Variants in CCDC38 observed in about 807,000 individuals in gnomAD.
The protein encoded by CCDC38 is coiled-coil domain-containing protein 38.
In CCDC38, 69 loss-of-function variants were observed where a neutral mutation model predicts 72.8. The observed-to-expected ratio is 0.95, with a 90% CI of 0.78 to 1.16. The LOEUF (loss-of-function observed/expected upper bound fraction) is 1.16. CCDC38 is among the 50% of genes most tolerant of loss of function. The pLI, the probability that CCDC38 is intolerant of heterozygous loss-of-function variation, is 0.00. For missense variants in CCDC38, 626 were observed against 638.9 expected, an observed-to-expected ratio of 0.98 and a Z score of 0.22; for synonymous variants, 201 against 213.2, an observed-to-expected ratio of 0.94 and a Z score of 0.50.
At chr12:95,914,650 C>T (rs1236121388) in intron 4 of CCDC38, among the ~76,000 whole-genome samples, 1 of 152,208 alleles carries the variant, frequency 6.6e-6, no homozygotes, top group East Asian at 1.9e-4. Context: ...TACACACAGT[C>T]TGCATTCAAA....
chr12:95,869,408 G>C (rs1301102976), intron 15 of CCDC38, 72 bp downstream of exon 15: 1 of 1,137,792 alleles, frequency 8.8e-7, no homozygotes, highest in Non-Finnish European at 1.3e-6. Context: ...TAAGTTAGAC[G>C]AATAAAGTAT....
At chr12:95,882,544 A>G (rs939067391) in intron 10 of CCDC38, among the ~76,000 whole-genome samples, 4 of 152,206 alleles carry the variant, frequency 2.6e-5, no homozygotes, top group Non-Finnish European at 5.9e-5. Flanking sequence ...AAGTGTGGGA[A>G]AACAGAAAGG....
intron 2 of CCDC38, among the ~76,000 whole-genome samples, chr12:95,920,924 T>A (rs564113121): frequency 7.6e-6 from 1 of 132,412 alleles, no homozygotes; most frequent in South Asian, 3.2e-4. Flanking sequence ...AGGTCGGGAG[T>A]TCGAGACCAG....
rs148446718 is a variant in CCDC38 at position 95,898,579 on chromosome 12, G to A, written c.522C>T (p.Asp174=). 4.5e-5 allele frequency: 72 copies of A among 1,614,012 alleles called. No individual in the cohort carries two copies. Among genetic ancestry groups the A allele is most frequent in the African/African-American group, 6.7e-5 (5 of 74,900 alleles). Residue 174 remains aspartate, a synonymous_variant, in exon 6 of 16, where the codon GAC becomes GAT. Coordinates refer to ENST00000344280, the MANE Select transcript of CCDC38 (RefSeq NM_182496.3). ...FLRENDQRSV[D]ALKMAAQETI... is the part of the protein sequence containing the mutation. ...GTGATGAAACAAACATTTTCAGAGC[G>A]TCTACAGATCTCTGGTCATTTTCTC...
intron 2 of CCDC38, chr12:95,919,745 C>T: frequency 2.5e-6 from 1 of 396,312 alleles, no homozygotes; most frequent in South Asian, 1.9e-5. Context: ...CTTACACCAC[C>T]ATTTCAACAG....
chr12:95,925,607 C>T (rs2080261157), intron 2 of CCDC38, among the ~76,000 whole-genome samples: 2 of 152,156 alleles, frequency 1.3e-5, no homozygotes, highest in Admixed American at 6.5e-5. Context: ...GAGGGCATCC[C>T]TGTCTTGTTC....
intron 2 of CCDC38, among the ~76,000 whole-genome samples, chr12:95,924,939 G>A (rs1387217101): frequency 7.2e-6 from 1 of 139,836 alleles, no homozygotes; most frequent in African/African-American, 2.7e-5. Context: ...TTTGGTTACT[G>A]TAGCCTTGTA....
chr12:95,914,563 G>A (rs780685041), intron 4 of CCDC38, among the ~76,000 whole-genome samples: 1 of 152,030 alleles, frequency 6.6e-6, no homozygotes, highest in Non-Finnish European at 1.5e-5. Flanking sequence ...TGAAACTCTA[G>A]CAGATAAAAA....
At chr12:95,932,970 A>G (rs2136741797) in intron 2 of CCDC38, among the ~76,000 whole-genome samples, 1 of 152,336 alleles carries the variant, frequency 6.6e-6, no homozygotes, top group East Asian at 1.9e-4. Context: ...TGTTCAAAAA[A>G]TGAGTCGGAG....
At chr12:95,889,046 T>C in intron 9 of CCDC38, 1 of 182,460 alleles carries the variant, frequency 5.5e-6, no homozygotes, top group Non-Finnish European at 1.1e-5. Context: ...TTTTTTTTTT[T>C]TTTTTTTTTG....
chr12:95,930,392 C>T (rs1294170605), intron 2 of CCDC38, among the ~76,000 whole-genome samples: 1 of 152,168 alleles, frequency 6.6e-6, no homozygotes, highest in Non-Finnish European at 1.5e-5. Flanking sequence ...GAATCTATTC[C>T]ATGACTTTAA....
At chr12:95,894,490 G>A (rs1156996083) in intron 8 of CCDC38, among the ~76,000 whole-genome samples, 1 of 152,176 alleles carries the variant, frequency 6.6e-6, no homozygotes, top group Non-Finnish European at 1.5e-5. Context: ...TAGGTCATGG[G>A]GGTAGACTCC....
At chr12:95,904,038 G>C (rs1230522652) in intron 5 of CCDC38, among the ~76,000 whole-genome samples, 1 of 150,458 alleles carries the variant, frequency 6.6e-6, no homozygotes, top group African/African-American at 2.5e-5. Context: ...TTTTTTACCT[G>C]TAAGTTCAAT....
chr12:95,932,550 A>G (rs531986383), intron 2 of CCDC38, among the ~76,000 whole-genome samples: 3 of 152,316 alleles, frequency 2.0e-5, no homozygotes, highest in Admixed American at 2.0e-4. Context: ...CCGAGCAGCT[A>G]GGTTAGTATA....
chr12:95,931,334 T>A (rs116589345), intron 2 of CCDC38, among the ~76,000 whole-genome samples: 335 of 152,354 alleles, frequency 2.2e-3, no homozygotes, highest in African/African-American at 7.8e-3. Context: ...TTGGATTATA[T>A]TAGGCCCATT....
chr12:95,931,335 T>A (rs1026552482), intron 2 of CCDC38, among the ~76,000 whole-genome samples: 1 of 152,224 alleles, frequency 6.6e-6, no homozygotes, highest in East Asian at 1.9e-4. Context: ...TGGATTATAT[T>A]AGGCCCATTG....
intron 2 of CCDC38, among the ~76,000 whole-genome samples, chr12:95,925,106 A>T (rs1430653327): frequency 6.6e-6 from 1 of 151,492 alleles, no homozygotes; most frequent in Non-Finnish European, 1.5e-5. Flanking sequence ...TGGGGATGGC[A>T]TTGAATCTGT....
intron 4 of CCDC38, among the ~76,000 whole-genome samples, chr12:95,911,549 GA>G (rs1320620822): frequency 2.6e-5 from 4 of 151,868 alleles, no homozygotes; most frequent in African/African-American, 9.7e-5. Context: ...AAATTAACAA[GA>G]AAAAAACACA....
At chr12:95,917,375 A>G in intron 3 of CCDC38, 81 bp from the exon 4 acceptor site, 1 of 1,139,432 alleles carries the variant, frequency 8.8e-7, no homozygotes, top group Admixed American at 3.0e-5. Flanking sequence ...ATATAAAAAT[A>G]ACATTTGCAA....
Sources: allele counts gnomAD v4.1 joint callset (sites outside exome capture counted in the v4.1 genomes callset), GRCh38; gene constraint gnomAD v4.1.1; transcripts MANE v1.5; gene names NCBI Gene and HGNC (gene_info 2026-07-23, HGNC 2026-07-21).